CDIN1: variants seen among roughly 807,000 people sequenced by gnomAD.
The protein encoded by CDIN1 is CDAN1-interacting nuclease 1.
Under a neutral mutation model 45.3 loss-of-function variants are expected in CDIN1, and 33 were observed. The observed-to-expected ratio is 0.73, with a 90% CI of 0.55 to 0.97. The LOEUF is 0.97. Ranked by LOEUF, CDIN1 falls within the 50% of genes least tolerant of loss-of-function variation. The probability of loss-of-function intolerance (pLI) is 0.00; values close to 1 mark genes in which losing one functional copy is unlikely to be tolerated. For missense variants in CDIN1, 303 were observed against 339.4 expected, an observed-to-expected ratio of 0.89 and a Z score of 0.84; for synonymous variants, 118 against 124.4, an observed-to-expected ratio of 0.95 and a Z score of 0.34.
At chr15:36,748,573 C>T (rs767913067) in intron 10 of CDIN1, among the ~76,000 whole-genome samples, 2 of 151,768 alleles carry the variant, frequency 1.3e-5, no homozygotes, top group African/African-American at 2.4e-5. Context: ...ATAGTGAATT[C>T]GGATTAGTAA....
At chr15:36,717,070 A>T (rs930094398) in intron 10 of CDIN1, among the ~76,000 whole-genome samples, 2 of 152,206 alleles carry the variant, frequency 1.3e-5, no homozygotes, top group Admixed American at 6.6e-5. Flanking sequence ...AACCCTCTCC[A>T]GCATACAAGT....
At chr15:36,638,795 C>T (rs1351024371) in intron 1 of CDIN1, among the ~76,000 whole-genome samples, 2 of 152,150 alleles carry the variant, frequency 1.3e-5, no homozygotes, top group African/African-American at 4.8e-5. Context: ...GCAAAAAAGC[C>T]ACATGCCCCA....
At chr15:36,586,019 T>C (rs2037280705) in intron 1 of CDIN1, among the ~76,000 whole-genome samples, 1 of 152,126 alleles carries the variant, frequency 6.6e-6, no homozygotes, top group African/African-American at 2.4e-5. Context: ...CCTTATGTGC[T>C]CAACCCATAC....
chr15:36,687,122 A>G (rs868825019), intron 5 of CDIN1, among the ~76,000 whole-genome samples: 2 of 152,224 alleles, frequency 1.3e-5, no homozygotes, highest in Admixed American at 6.5e-5. Context: ...AAGAAAACTT[A>G]ATTAACTAGA....
At chr15:36,621,939 A>C (rs901806103) in intron 1 of CDIN1, among the ~76,000 whole-genome samples, 1 of 151,544 alleles carries the variant, frequency 6.6e-6, no homozygotes, top group African/African-American at 2.4e-5. Context: ...TGATAGACTA[A>C]ATGAAATCCT....
chr15:36,615,324 T>G (rs1279583512), intron 1 of CDIN1, among the ~76,000 whole-genome samples: 1 of 152,190 alleles, frequency 6.6e-6, no homozygotes, highest in Non-Finnish European at 1.5e-5. Flanking sequence ...GTCTGTTAGG[T>G]GTACATCCTG....
At chr15:36,758,012 T>C (rs1442502995) in intron 10 of CDIN1, among the ~76,000 whole-genome samples, 1 of 152,146 alleles carries the variant, frequency 6.6e-6, no homozygotes. Context: ...AATTAAACTT[T>C]ATTATATGTA....
At chr15:36,652,584 G>A (rs1367219494) in intron 3 of CDIN1, among the ~76,000 whole-genome samples, 1 of 152,046 alleles carries the variant, frequency 6.6e-6, no homozygotes, top group South Asian at 2.1e-4. Context: ...AAGCACATTT[G>A]CCTTGTTTTA....
chr15:36,770,447 T>G lies in CDIN1; in HGVS notation c.717-37877T>G, dbSNP rs150255507. ...TCTTTCTGATGATGATGATGATTAT[T>G]ATTATTATTATTATTATTGGAGATA... On this transcript the variant is annotated intron_variant, in intron 10 of 10. Coordinates refer to ENST00000566621, the MANE Select transcript of CDIN1 (RefSeq NM_001321759.2). Among the ~76,000 whole-genome samples, 1,083 of 149,642 alleles carry G rather than the reference T, an allele frequency of 7.2e-3. 15 individuals carry two copies. Among genetic ancestry groups the G allele is most frequent in the African/African-American group, 0.024 (930 of 39,342 alleles).
intron 5 of CDIN1, among the ~76,000 whole-genome samples, chr15:36,685,175 G>C (rs1445396771): frequency 6.7e-6 from 1 of 149,388 alleles, no homozygotes; most frequent in Non-Finnish European, 1.5e-5. Flanking sequence ...TGATGTTAGG[G>C]TGTCAATTTT....
intron 10 of CDIN1, among the ~76,000 whole-genome samples, chr15:36,770,110 T>TTCTCTCTC (rs150116594): frequency 1.3e-5 from 2 of 149,684 alleles, no homozygotes; most frequent in East Asian, 3.9e-4. Context: ...CTTTCTCCCT[T>TTCTCTCTC]TCTCTCTCTC....
chr15:36,583,878 C>T (rs1370497845), intron 1 of CDIN1, among the ~76,000 whole-genome samples: 3 of 151,896 alleles, frequency 2.0e-5, no homozygotes, highest in Admixed American at 6.6e-5. Context: ...TAGCTGGGCA[C>T]GGTGGCGGGC....
At position 36,693,881 on chromosome 15, in the gene CDIN1, AT is replaced by A. The variant is rs560496392; in HGVS notation, c.476+1711del. ...ATTCTGTCTGGAGTATTTTCCTTAC[AT>A]TTTTGCCACCATTCACTTTCCTTTT... On this transcript the variant is annotated intron_variant, in intron 7 of 10. Transcript: ENST00000566621. Among the ~76,000 whole-genome samples, 881 of 152,228 alleles carry A rather than the reference AT, an allele frequency of 5.8e-3. 6 individuals carry two copies. Among genetic ancestry groups the A allele is most frequent in the Non-Finnish European group, 9.8e-3 (667 of 67,990 alleles).
chr15:36,763,563 A>G (rs1338480882), intron 10 of CDIN1, among the ~76,000 whole-genome samples: 2 of 152,156 alleles, frequency 1.3e-5, no homozygotes, highest in Non-Finnish European at 2.9e-5. Context: ...CTTCTCTGCC[A>G]TCAGCTTGCA....
At chr15:36,598,470 T>TC (rs2140221267) in intron 1 of CDIN1, among the ~76,000 whole-genome samples, 1 of 152,336 alleles carries the variant, frequency 6.6e-6, no homozygotes, top group Admixed American at 6.5e-5. Flanking sequence ...CATTCATGTT[T>TC]TTTTTTGAAA....
chr15:36,673,137 G>A (rs2041513856), intron 5 of CDIN1, among the ~76,000 whole-genome samples: 1 of 152,074 alleles, frequency 6.6e-6, no homozygotes, highest in African/African-American at 2.4e-5. Flanking sequence ...TTTCTAGTGG[G>A]AAGATAAATT....
At chr15:36,604,417 G>GCACACACACACACACA (rs2038257135) in intron 1 of CDIN1, among the ~76,000 whole-genome samples, 1 of 15,898 alleles carries the variant, frequency 6.3e-5, no homozygotes, top group Non-Finnish European at 1.1e-4. Context: ...CTTTTAAAAG[G>GCACACACACACACACA]TACACACACA....
At chr15:36,669,502 A>G (rs1180565564) in intron 5 of CDIN1, among the ~76,000 whole-genome samples, 2 of 152,122 alleles carry the variant, frequency 1.3e-5, no homozygotes, top group East Asian at 3.8e-4. Flanking sequence ...GCCTATATCC[A>G]TCACTCAGTT....
chr15:36,602,549 A>G (rs2038156165), intron 1 of CDIN1, among the ~76,000 whole-genome samples: 1 of 152,242 alleles, frequency 6.6e-6, no homozygotes, highest in Admixed American at 6.5e-5. Context: ...ATTCAATAAC[A>G]ATAAATCCTT....
Sources: gnomAD v4.1 joint callset for allele counts (sites outside exome capture counted in the v4.1 genomes callset) on GRCh38, gnomAD v4.1.1 for gene constraint, MANE v1.5 for transcripts, NCBI Gene and HGNC (gene_info 2026-07-23, HGNC 2026-07-21) for gene names.